The following CDK12 variants were observed in gnomAD, a reference collection of about 807,000 sequenced individuals.
CDK12 encodes cyclin-dependent kinase 12.
Under a neutral mutation model 133.8 loss-of-function variants are expected in CDK12, and 17 were observed. That is an observed-to-expected ratio of 0.13 (90% CI 0.09 to 0.19). The LOEUF is 0.19. CDK12 is among the 10% of genes least tolerant of loss of function. The pLI is 1.00. For missense variants in CDK12, 1,508 were observed against 1,818.7 expected (o/e 0.83, Z 3.11); for synonymous variants, 694 against 683.6 (o/e 1.02, Z -0.24).
intron 10 of CDK12, among the ~76,000 whole-genome samples, chr17:39,519,743 A>G (rs1037703080): frequency 3.9e-5 from 6 of 152,010 alleles, no homozygotes; most frequent in African/African-American, 1.5e-4. Flanking sequence ...GGTGCACAGC[A>G]TTGCACCCAG....
intron 1 of CDK12, among the ~76,000 whole-genome samples, chr17:39,541,086 CATTG>C (rs1296703440): frequency 1.3e-5 from 2 of 152,038 alleles, no homozygotes; most frequent in Non-Finnish European, 2.9e-5. Context: ...AGTATATGGA[CATTG>C]ATTGAACACT....
Position 39,555,419 on chromosome 17 carries a change from A to G in CDK12, n.357-867A>G, listed in dbSNP as rs896507186. On this transcript the variant is annotated intron_variant and non_coding_transcript_variant, in intron 2 of 3. Transcript: ENST00000558240. Reference sequence around the variant, plus strand: ...CTGCCAGGATGAGGGACCTCTGCCCACTTGCTCTTGGTGGTCCAGAGATGG... The same window carrying G: ...CTGCCAGGATGAGGGACCTCTGCCCGCTTGCTCTTGGTGGTCCAGAGATGG... Among the ~76,000 whole-genome samples the G allele has an allele frequency of 7.3e-5, 11 of 150,274 alleles. No homozygotes were observed. The East Asian group carries it at 2.2e-3, about 30-fold the overall frequency.
chr17:39,524,574 T>C (rs2054379624), intron 11 of CDK12, 100 bp from the exon 12 acceptor site: 1 of 1,036,494 alleles, frequency 9.6e-7, no homozygotes, highest in African/African-American at 1.6e-5. Context: ...ATTCTTTACA[T>C]TTCCCACAGT....
chr17:39,539,090 T>C (rs2055291280), downstream of CDK12, among the ~76,000 whole-genome samples: 1 of 152,166 alleles, frequency 6.6e-6, no homozygotes, highest in Non-Finnish European at 1.5e-5. Context: ...AGGAAGTATT[T>C]GCCAAACTGT....
intron 3 of CDK12, chr17:39,564,732 A>G (rs2056512184): frequency 6.6e-6 from 1 of 152,190 alleles, no homozygotes; most frequent in Admixed American, 6.5e-5. Flanking sequence ...ATATTTAATA[A>G]CTGAAACCCT....
chr17:39,478,586 A>T (rs1176850096), intron 2 of CDK12, among the ~76,000 whole-genome samples: 1 of 152,034 alleles, frequency 6.6e-6, no homozygotes, highest in African/African-American at 2.4e-5. Flanking sequence ...CACTCCTATA[A>T]TCCCAGCCCT....
chr17:39,498,100 C>A (rs2052280168), intron 5 of CDK12, among the ~76,000 whole-genome samples: 1 of 151,768 alleles, frequency 6.6e-6, no homozygotes, highest in Admixed American at 6.6e-5. Flanking sequence ...CTCCTGGGTT[C>A]AAGGGATCCC....
At position 39,530,778 on chromosome 17, in the gene CDK12, C is replaced by T; in HGVS notation, c.3935C>T (p.Pro1312Leu). The change falls in exon 14 of 14, where the codon CCT (proline) becomes CTT (leucine). Residue 1312 changes from proline (P) to leucine (L), a missense_variant. Pro to Leu is a moderately conservative substitution (Grantham distance 98, BLOSUM62 -3). Transcript: ENST00000447079. The part of the protein sequence containing the change: ...LQLLSQPEAE[P>L]PGHLPHEHQA... ...CTTTTATCCCAGCCTGAAGCAGAGCCTCCTGGCCACCTGCCACATGAGCAC... is the reference window on the plus strand; with the variant it reads ...CTTTTATCCCAGCCTGAAGCAGAGCTTCCTGGCCACCTGCCACATGAGCAC... The T allele has an allele frequency of 6.2e-7, 1 of 1,614,188 alleles. No individual in the cohort carries two copies. The highest frequency in any genetic ancestry group is 8.5e-7 in the Non-Finnish European group (1 of 1,180,030).
intron 1 of CDK12, among the ~76,000 whole-genome samples, chr17:39,463,814 A>G (rs1746885530): frequency 6.6e-6 from 1 of 151,992 alleles, no homozygotes; most frequent in Non-Finnish European, 1.5e-5. Context: ...AACACATAGT[A>G]ATAATGCCTT....
intron 2 of CDK12, among the ~76,000 whole-genome samples, chr17:39,481,470 G>GC (rs1567705366): frequency 1.4e-5 from 2 of 142,110 alleles, no homozygotes; most frequent in East Asian, 2.0e-4. Flanking sequence ...ATGCCCGGCT[G>GC]TTTTTTTTTT....
intron 2 of CDK12, among the ~76,000 whole-genome samples, chr17:39,481,700 C>T (rs1597984145): frequency 1.0e-4 from 2 of 19,218 alleles, no homozygotes; most frequent in Middle Eastern, 0.018. Context: ...CTCTCTCTCT[C>T]TCTCTCTCTC....
downstream of CDK12, among the ~76,000 whole-genome samples, chr17:39,536,537 C>CT (rs2055142698): frequency 6.6e-6 from 1 of 152,136 alleles, no homozygotes; most frequent in Non-Finnish European, 1.5e-5. Context: ...CAACCTTCAC[C>CT]TTTTTATCCT....
rs763963073 is a variant in CDK12 at position 39,501,457 on chromosome 17, T to C, written c.2609+18T>C. On this transcript the variant is annotated intron_variant, in intron 6 of 13. Coordinates refer to ENST00000447079, the MANE Select transcript of CDK12 (RefSeq NM_016507.4). ...AATAACAGGTAACATAGTAACCAAATAAGATTAAGCACTTTCCTCTTCTCC... is the reference window on the plus strand; with the variant it reads ...AATAACAGGTAACATAGTAACCAAACAAGATTAAGCACTTTCCTCTTCTCC... The C allele has an allele frequency of 1.0e-5, 16 of 1,567,102 alleles. 1 individual carries two copies. In the South Asian group the frequency reaches 1.7e-4, roughly 17 times the overall value.
At chr17:39,525,607 A>C (rs1467842477) in intron 12 of CDK12, among the ~76,000 whole-genome samples, 1 of 152,206 alleles carries the variant, frequency 6.6e-6, no homozygotes. Flanking sequence ...AAAATCACAG[A>C]ACTTGAAAAA....
chr17:39,536,864 A>G (rs776506425), downstream of CDK12, among the ~76,000 whole-genome samples: 3 of 152,248 alleles, frequency 2.0e-5, no homozygotes, highest in Non-Finnish European at 4.4e-5. Flanking sequence ...TGCAACCTTC[A>G]GCTACAGCAT....
chr17:39,534,207 A>G lies in CDK12; in HGVS notation c.*2891A>G. 1 of 233,014 alleles carries G rather than the reference A, an allele frequency of 4.3e-6. No individual in the cohort carries two copies. 14.4% of individuals were successfully genotyped at this position (233,014 alleles called of 1,614,324 possible). On this transcript the variant is annotated 3_prime_UTR_variant, in exon 14 of 14. Transcript: ENST00000447079. ...TCTATACGTTTAAAGCAGGGCAGTT[A>G]GCACAAATTTGCAAGTAGAACTTCT...
intron 6 of CDK12, among the ~76,000 whole-genome samples, chr17:39,508,938 C>T (rs1008892255): frequency 2.1e-5 from 3 of 145,114 alleles, no homozygotes; most frequent in African/African-American, 7.7e-5. Context: ...ATCAAGGCTA[C>T]AGTGAGCCAG....
At chr17:39,481,687 TCTCTCTCTCTCTCTCTCTCTCTC>T (rs2050706800) in intron 2 of CDK12, among the ~76,000 whole-genome samples, 2 of 24,032 alleles carry the variant, frequency 8.3e-5, no homozygotes, top group African/African-American at 2.3e-4. Context: ...TCTCTCTCTC[TCTCTCTCTCTCTCTCTCTCTCTC>T]TTTCTCTTTT....
intron 1 of CDK12, among the ~76,000 whole-genome samples, chr17:39,469,949 C>T (rs565722050): frequency 6.6e-6 from 1 of 152,026 alleles, no homozygotes; most frequent in African/African-American, 2.4e-5. Context: ...GCATGACTGC[C>T]TTATCCTGTT....
Sources: gnomAD v4.1 joint callset for allele counts (sites outside exome capture counted in the v4.1 genomes callset) on GRCh38, gnomAD v4.1.1 for gene constraint, MANE v1.5 for transcripts, NCBI Gene and HGNC (gene_info 2026-07-23, HGNC 2026-07-21) for gene names.